ZNF710: variants seen among roughly 807,000 people sequenced by gnomAD.
The protein encoded by ZNF710 is zinc finger protein 710.
In ZNF710, 13 loss-of-function variants were observed where a neutral mutation model predicts 50.6. The observed-to-expected ratio is 0.26, with a 90% CI of 0.17 to 0.41. ZNF710 has a LOEUF of 0.41. ZNF710 is among the 10% of genes least tolerant of loss of function. The pLI, the probability that ZNF710 is intolerant of heterozygous loss-of-function variation, is 1.00. For synonymous variants in ZNF710, 383 were observed against 397.0 expected (o/e 0.96, Z 0.42); for missense variants, 721 against 936.6 (o/e 0.77, Z 3.01).
intron 2 of ZNF710, among the ~76,000 whole-genome samples, 180 bp from the exon 3 acceptor site, chr15:90,072,891 A>C (rs1900440619): frequency 6.6e-6 from 1 of 152,092 alleles, no homozygotes; most frequent in African/African-American, 2.4e-5. Context: ...CTCTGCCCCC[A>C]CATTCTTCGG....
At chr15:90,039,879 G>A (rs143701494) in intron 1 of ZNF710, among the ~76,000 whole-genome samples, 366 of 152,298 alleles carry the variant, frequency 2.4e-3, no homozygotes, top group African/African-American at 8.5e-3. Flanking sequence ...AAGTGCCTGG[G>A]ACACCAAAGT....
At chr15:90,047,055 G>T (rs925271660) in intron 1 of ZNF710, among the ~76,000 whole-genome samples, 2 of 152,136 alleles carry the variant, frequency 1.3e-5, no homozygotes, top group Non-Finnish European at 2.9e-5. Flanking sequence ...GTCTCCTTAC[G>T]CCCATGAAGA....
chr15:90,067,709 TCCCGGCCCCGGCCCGGGATGGCTTC>T lies in ZNF710; in HGVS notation c.577_601del (p.Ala193SerfsTer26). On this transcript the variant is annotated frameshift_variant, in exon 2 of 5. Coordinates refer to ENST00000268154, the MANE Select transcript of ZNF710 (RefSeq NM_198526.4). LOFTEE classifies it high-confidence loss of function. This position sits in a 1 kb window ranked among gnomAD's most constrained non-coding sequence, Gnocchi z 8.1. ...AACGTGGCCCCATATGACCCTCACTTCCCGGCCCCGGCCCGGGATGGCTTCCCCGAGCCCAGCATGGCGCTGCCTG... is the reference window on the plus strand; with the variant it reads ...AACGTGGCCCCATATGACCCTCACTTCCCGAGCCCAGCATGGCGCTGCCTG... The T allele has an allele frequency of 6.2e-7, 1 of 1,608,138 alleles. No homozygotes were observed.
In ZNF710 at chr15:90,073,179, A is replaced by T; in HGVS notation, c.1567A>T (p.Ile523Phe). 6.2e-7 allele frequency: 1 copy of T among 1,614,232 alleles called. No individual in the cohort carries two copies. Among genetic ancestry groups the T allele is most frequent in the Non-Finnish European group, 8.5e-7 (1 of 1,180,036 alleles). Reference sequence around the variant, plus strand: ...CAGCGTCCGGCCCTACCAGTGCCACATCTGCTTCAAGACCTTTGTACAGAA... The same window carrying T: ...CAGCGTCCGGCCCTACCAGTGCCACTTCTGCTTCAAGACCTTTGTACAGAA... Reference protein sequence around the residue: ...HTSVRPYQCHICFKTFVQKQT... With the variant: ...HTSVRPYQCHFCFKTFVQKQT... Residue 523 changes from isoleucine to phenylalanine, a missense_variant, in exon 3 of 5, where the codon ATC becomes TTC. Ile to Phe is a conservative substitution (Grantham distance 21, BLOSUM62 0). This residue lies in a region of ZNF710 where 326 missense variants were observed against 522.0 expected (regional missense o/e 0.62). Coordinates refer to ENST00000268154, the MANE Select transcript of ZNF710 (RefSeq NM_198526.4).
At chr15:90,021,651 C>G (rs992534089) in intron 1 of ZNF710, among the ~76,000 whole-genome samples, 6 of 152,270 alleles carry the variant, frequency 3.9e-5, no homozygotes, top group Non-Finnish European at 7.4e-5. Context: ...CCCCAGTGAG[C>G]CCCCAGTCCA....
At chr15:90,076,261 A>G (rs1900587497) in intron 4 of ZNF710, 1 of 152,234 alleles carries the variant, frequency 6.6e-6, no homozygotes, top group Admixed American at 6.5e-5. Flanking sequence ...GTGATCTGGA[A>G]TGTGGCCTGG....
In ZNF710 at chr15:90,044,861, G is replaced by A. The variant is rs116924066; in HGVS notation, c.-28-22249G>A. 5.3e-4 allele frequency among the ~76,000 whole-genome samples: 81 copies of A among 152,248 alleles called. 1 individual carries two copies. The East Asian group carries it at 0.014, about 25-fold the overall frequency. ...GCCAGCACTTTCTACATCCCCAGGG[G>A]CCACCAGTCACTGTGGTCTGAGGAG... On this transcript the variant is annotated intron_variant, in intron 1 of 4. Transcript: ENST00000268154.
Position 90,062,725 on chromosome 15 carries a change from C to A in ZNF710, c.-28-4385C>A, listed in dbSNP as rs1231270241. Among the ~76,000 whole-genome samples, 1 of 152,160 alleles carries A rather than the reference C, an allele frequency of 6.6e-6. No homozygotes were observed. Among genetic ancestry groups the A allele is most frequent in the African/African-American group, 2.4e-5 (1 of 41,452 alleles). Reference sequence around the variant, plus strand: ...CAGGAGGAGGGAGAACAGAGTGATACCGGGCCTCCCCACTCCTCATTTCCG... The same window carrying A: ...CAGGAGGAGGGAGAACAGAGTGATAACGGGCCTCCCCACTCCTCATTTCCG... On this transcript the variant is annotated intron_variant, in intron 1 of 4. Coordinates refer to ENST00000268154, the MANE Select transcript of ZNF710 (RefSeq NM_198526.4). This position sits in a 1 kb window ranked among gnomAD's most constrained non-coding sequence, Gnocchi z 5.6.
chr15:90,053,974 G>A (rs561961600), intron 1 of ZNF710, among the ~76,000 whole-genome samples: 19 of 152,264 alleles, frequency 1.2e-4, no homozygotes, highest in East Asian at 3.9e-4. Context: ...AGAGAAGGCC[G>A]GGACTGATCT....
At chr15:90,057,453 C>T (rs138405651) in intron 1 of ZNF710, among the ~76,000 whole-genome samples, 4,470 of 151,974 alleles carry the variant, frequency 0.029, 95 homozygotes, top group South Asian at 0.072. Context: ...CCCAGCACTT[C>T]GGGAGGCCAA....
In ZNF710 at chr15:90,073,073, C is replaced by T. The variant is rs758028766; in HGVS notation, c.1461C>T (p.Gly487=). The T allele has an allele frequency of 9.3e-6, 15 of 1,613,134 alleles. No homozygotes were observed. The highest frequency in any genetic ancestry group is 1.1e-5 in the Non-Finnish European group (13 of 1,179,574). The change falls in exon 3 of 5, where the codon GGC becomes GGT. Residue 487 remains glycine, a splice_region_variant and synonymous_variant. Coordinates refer to ENST00000268154, the MANE Select transcript of ZNF710 (RefSeq NM_198526.4). ...HLKQHSLTHK[G]VKEFKCEVCG... ...GACCATCACCCCCCACCCCACAGGG[C>T]GTGAAGGAGTTCAAGTGCGAGGTGT... is the stretch of plus-strand genomic sequence containing the variant.
At position 90,067,707 on chromosome 15, in the gene ZNF710, C is replaced by A; in HGVS notation, c.570C>A (p.His190Gln). Reference sequence around the variant, plus strand: ...TGAACGTGGCCCCATATGACCCTCACTTCCCGGCCCCGGCCCGGGATGGCT... The same window carrying A: ...TGAACGTGGCCCCATATGACCCTCAATTCCCGGCCCCGGCCCGGGATGGCT... The part of the protein sequence containing the change: ...PELNVAPYDP[H>Q]FPAPARDGFP... Residue 190 changes from histidine (H) to glutamine (Q), a missense_variant, in exon 2 of 5, where the codon CAC becomes CAA. Physicochemically the swap from His to Gln is conservative, Grantham distance 24 (BLOSUM62 0). Around this residue, in one of 3 missense-constraint regions of ZNF710, gnomAD observed 326 missense variants for 347.1 expected, o/e 0.94. Transcript: ENST00000268154. The surrounding 1 kb of genome is among the most constrained non-coding windows in gnomAD (Gnocchi z 8.1). The A allele has an allele frequency of 6.2e-7, 1 of 1,608,710 alleles. No individual in the cohort carries two copies. The highest frequency in any genetic ancestry group is 8.5e-7 in the Non-Finnish European group (1 of 1,177,484).
At chr15:90,009,205 C>T (rs911470240) in intron 1 of ZNF710, among the ~76,000 whole-genome samples, 4 of 151,964 alleles carry the variant, frequency 2.6e-5, no homozygotes, top group African/African-American at 7.3e-5. Context: ...GACTGTCCTG[C>T]ATGTGTTTGG....
In ZNF710 at chr15:90,028,238, A is replaced by G. The variant is rs180745182; in HGVS notation, c.-29+26624A>G. On this transcript the variant is annotated intron_variant, in intron 1 of 4. Transcript: ENST00000268154. ...ATTTGCTTCATCTGCACAGGTATATATATTTTTTCCTGAACCATTTTGAAG... is the reference window on the plus strand; with the variant it reads ...ATTTGCTTCATCTGCACAGGTATATGTATTTTTTCCTGAACCATTTTGAAG... Among the ~76,000 whole-genome samples the G allele has an allele frequency of 1.3e-4, 20 of 152,314 alleles. No homozygotes were observed. In the East Asian group the frequency reaches 1.9e-3, roughly 15 times the overall value.
chr15:90,024,350 A>G (rs938515096), intron 1 of ZNF710, among the ~76,000 whole-genome samples: 3 of 152,142 alleles, frequency 2.0e-5, no homozygotes, highest in Non-Finnish European at 4.4e-5. Context: ...TCTGACTCCT[A>G]TGGACCCGGA....
At chr15:90,079,554 T>G in intron 4 of ZNF710, 106 bp from the exon 5 acceptor site, 1 of 1,415,602 alleles carries the variant, frequency 7.1e-7, no homozygotes. Flanking sequence ...CTGGAGGCCG[T>G]GACTGGGAAG....
At chr15:90,066,434 G>T (rs977234418) in intron 1 of ZNF710, among the ~76,000 whole-genome samples, 1 of 151,130 alleles carries the variant, frequency 6.6e-6, no homozygotes, top group Non-Finnish European at 1.5e-5. Context: ...TTAAATAGTG[G>T]AATCTTTATT....
intron 2 of ZNF710, among the ~76,000 whole-genome samples, chr15:90,071,297 T>C (rs1027293000): frequency 6.7e-6 from 1 of 149,840 alleles, no homozygotes; most frequent in African/African-American, 2.4e-5. Flanking sequence ...CACAGAGTGT[T>C]AATACTGTGA....
intron 1 of ZNF710, among the ~76,000 whole-genome samples, chr15:90,028,799 G>C (rs1346857062): frequency 6.6e-6 from 1 of 152,154 alleles, no homozygotes; most frequent in Non-Finnish European, 1.5e-5. Flanking sequence ...ATGAACATGG[G>C]TGATCGATTA....
Sources: allele counts gnomAD v4.1 joint callset (sites outside exome capture counted in the v4.1 genomes callset), GRCh38; gene constraint gnomAD v4.1.1; regional missense constraint gnomAD v4.1.1; non-coding constraint Gnocchi (gnomAD v3.1); transcripts MANE v1.5; gene names NCBI Gene and HGNC (gene_info 2026-07-23, HGNC 2026-07-21).